Variants in GALNT13 observed in about 807,000 individuals in gnomAD.
GALNT13 encodes the protein UDP-GalNAc:polypeptide N-acetylgalactosaminyltransferase 13.
In GALNT13, 28 loss-of-function variants were observed where a neutral mutation model predicts 64.2. That is an observed-to-expected ratio of 0.44 (90% confidence interval 0.32 to 0.60). The LOEUF is 0.60. Among genes scored for constraint, GALNT13 ranks in the 20% least tolerant of loss-of-function variants. The pLI is 0.05. For missense variants in GALNT13, 577 were observed against 669.8 expected, an observed-to-expected ratio of 0.86 and a Z score of 1.53; for synonymous variants, 214 against 224.6, an observed-to-expected ratio of 0.95 and a Z score of 0.42.
At chr2:154,098,968 C>A (rs1702211711) in intron 3 of GALNT13, among the ~76,000 whole-genome samples, 1 of 151,802 alleles carries the variant, frequency 6.6e-6, no homozygotes, top group Admixed American at 6.6e-5. Flanking sequence ...AATGGAAGTT[C>A]TCTTTTTAGT....
At chr2:154,072,136 G>C (rs1054092975) in intron 3 of GALNT13, among the ~76,000 whole-genome samples, 5 of 152,078 alleles carry the variant, frequency 3.3e-5, no homozygotes, top group African/African-American at 1.2e-4. Flanking sequence ...TGGAAAAGTG[G>C]CTAAATCTGT....
the GALNT13 span, among the ~76,000 whole-genome samples, chr2:153,282,930 G>A: frequency 6.6e-6 from 1 of 152,176 alleles, no homozygotes. Context: ...TGCTTCTGTA[G>A]CCCTGTGCAC....
At chr2:153,455,304 TAAG>T in the GALNT13 span, among the ~76,000 whole-genome samples, 2 of 152,158 alleles carry the variant, frequency 1.3e-5, no homozygotes, top group Non-Finnish European at 2.9e-5. Context: ...ATGAATAAAA[TAAG>T]AAGGCAGCTG....
the GALNT13 span, among the ~76,000 whole-genome samples, chr2:153,549,605 G>A: frequency 6.6e-6 from 1 of 152,168 alleles, no homozygotes; most frequent in African/African-American, 2.4e-5. Context: ...CCATGGGGGA[G>A]TCTCAGCTTC....
the GALNT13 span, among the ~76,000 whole-genome samples, chr2:153,765,986 A>T: frequency 3.9e-5 from 6 of 152,192 alleles, no homozygotes; most frequent in Middle Eastern, 3.2e-3. Context: ...ACTGTGAGTC[A>T]ATTAAACCAC....
At position 154,450,612 on chromosome 2, in the gene GALNT13, G is replaced by A; in HGVS notation, c.*61G>A. The A allele has an allele frequency of 7.1e-7, 1 of 1,398,622 alleles. No homozygotes were observed. Among genetic ancestry groups the A allele is most frequent in the South Asian group, 1.5e-5 (1 of 65,852 alleles). 86.6% of individuals were successfully genotyped at this position (1,398,622 alleles called of 1,614,324 possible). A position where few individuals can be genotyped will look rare whatever the true frequency, so the allele number is the denominator to read the frequency against. ...TTTTGTTTTTCCATTATTTCAATTG[G>A]GGGAAAATATTAACTTTGCTGAATT... On this transcript the variant is annotated 3_prime_UTR_variant, in exon 13 of 13. Transcript: ENST00000392825.
the GALNT13 span, among the ~76,000 whole-genome samples, chr2:153,459,485 A>C: frequency 6.6e-6 from 1 of 152,110 alleles, no homozygotes. Context: ...AACCAACCAA[A>C]CAAACAAAAG....
At chr2:154,320,008 A>T (rs891454700) in intron 9 of GALNT13, among the ~76,000 whole-genome samples, 1 of 151,992 alleles carries the variant, frequency 6.6e-6, no homozygotes, top group Non-Finnish European at 1.5e-5. Flanking sequence ...TATATTATGC[A>T]TATATATATC....
the GALNT13 span, among the ~76,000 whole-genome samples, chr2:153,668,850 GGCATAAA>G: frequency 6.6e-6 from 1 of 152,146 alleles, no homozygotes; most frequent in Non-Finnish European, 1.5e-5. Context: ...CTGAGGGTTT[GGCATAAA>G]AACATCTACA....
At chr2:153,976,350 C>T (rs72993642) in intron 3 of GALNT13, among the ~76,000 whole-genome samples, 8,444 of 152,090 alleles carry the variant, frequency 0.056, 345 homozygotes, top group South Asian at 0.13. Flanking sequence ...CATGAAGATA[C>T]TGAAGTTTAA....
the GALNT13 span, among the ~76,000 whole-genome samples, chr2:153,404,857 C>T: frequency 6.6e-6 from 1 of 152,124 alleles, no homozygotes; most frequent in African/African-American, 2.4e-5. Context: ...AATTAATTTT[C>T]CCATGGAAAA....
the GALNT13 span, among the ~76,000 whole-genome samples, chr2:153,803,677 T>G: frequency 9.8e-4 from 121 of 122,876 alleles, no homozygotes; most frequent in African/African-American, 3.5e-3. Context: ...GGGCGACAGA[T>G]CGAGACTCTG....
intron 3 of GALNT13, among the ~76,000 whole-genome samples, chr2:154,058,841 AT>A (rs762790153): frequency 1.3e-4 from 20 of 152,164 alleles, no homozygotes; most frequent in Non-Finnish European, 2.2e-4. Context: ...GAGAGGAACC[AT>A]TGTAGGGTTT....
At chr2:153,823,514 G>A in the GALNT13 span, among the ~76,000 whole-genome samples, 1 of 152,078 alleles carries the variant, frequency 6.6e-6, no homozygotes, top group African/African-American at 2.4e-5. Context: ...AGCAAACAAT[G>A]GGGAAAGGAC....
the GALNT13 span, among the ~76,000 whole-genome samples, chr2:153,151,888 A>T: frequency 0.057 from 8,591 of 151,808 alleles, 281 homozygotes; most frequent in South Asian, 0.089. Context: ...TTAAATGACG[A>T]GTTACTGGGT....
Position 154,225,582 on chromosome 2 carries a change from C to G in GALNT13, c.312-16448C>G, listed in dbSNP as rs138311809. On this transcript the variant is annotated intron_variant, in intron 4 of 12. Transcript: ENST00000392825. ...AAAGGAAATAGTTATCAATAGATGA[C>G]GTAGGTACAGGAGAAAAACTTCTTC... Among the ~76,000 whole-genome samples the G allele has an allele frequency of 7.8e-3, 1,179 of 152,094 alleles. 20 individuals carry two copies. Among genetic ancestry groups the G allele is most frequent in the African/African-American group, 0.026 (1,075 of 41,518 alleles).
chr2:154,443,853 C>T (rs947870944), intron 12 of GALNT13, among the ~76,000 whole-genome samples: 1 of 152,016 alleles, frequency 6.6e-6, no homozygotes, highest in Non-Finnish European at 1.5e-5. Flanking sequence ...TTAAAATATT[C>T]TACATTGCAG....
chr2:154,043,182 G>A (rs994535953), intron 3 of GALNT13, among the ~76,000 whole-genome samples: 1 of 152,108 alleles, frequency 6.6e-6, no homozygotes, highest in South Asian at 2.1e-4. Context: ...ACTTGGTAGA[G>A]TGGGAGAGAT....
chr2:154,197,123 T>C (rs1186555244), intron 4 of GALNT13, among the ~76,000 whole-genome samples: 3 of 152,104 alleles, frequency 2.0e-5, no homozygotes, highest in East Asian at 3.9e-4. Flanking sequence ...CCTTAAGTTA[T>C]TTGATTTTTT....
Sources: allele counts gnomAD v4.1 joint callset (sites outside exome capture counted in the v4.1 genomes callset), GRCh38; gene constraint gnomAD v4.1.1; transcripts MANE v1.5; gene names NCBI Gene and HGNC (gene_info 2026-07-23, HGNC 2026-07-21).